Variants in CBLB observed in about 807,000 individuals in gnomAD.
CBLB encodes Cbl proto-oncogene B, also known as E3 ubiquitin-protein ligase CBL-B.
A neutral mutation model predicts 104.9 loss-of-function variants in CBLB; 31 were observed. The ratio of observed to expected loss-of-function variants is 0.30; its 90% CI spans 0.22 to 0.40. The LOEUF is 0.40. CBLB is among the 10% of genes least tolerant of loss of function. The pLI, the probability that CBLB is intolerant of heterozygous loss-of-function variation, is 1.00. For missense variants in CBLB, 1,062 were observed against 1,214.6 expected (o/e 0.87, Z 1.87); for synonymous variants, 440 against 422.6 (o/e 1.04, Z -0.51).
At chr3:105,706,906 T>A (rs768766061) in intron 10 of CBLB, among the ~76,000 whole-genome samples, 5 of 152,198 alleles carry the variant, frequency 3.3e-5, no homozygotes, top group African/African-American at 7.2e-5. Context: ...AGCACTTTTT[T>A]TCTGCAAATA....
At chr3:105,672,400 A>C (rs1218143284) in intron 17 of CBLB, 2 of 177,376 alleles carry the variant, frequency 1.1e-5, no homozygotes, top group Non-Finnish European at 2.4e-5. Context: ...TAAGTTTGCT[A>C]TTTGTCAGCC....
rs138880586 is a variant in CBLB at position 105,656,360 on chromosome 3, G to C, written c.*2610C>G. 3.6e-3 allele frequency: 740 copies of C among 203,566 alleles called. 3 individuals carry two copies. Among genetic ancestry groups the C allele is most frequent in the Admixed American group, 5.5e-3 (92 of 16,688 alleles). 12.6% of individuals were successfully genotyped at this position (203,566 alleles called of 1,614,324 possible). ...TTTGGATCACAGTGAAACAAAGTCT[G>C]GATCACTTCCAGACATCAACGAGCA... On this transcript the variant is annotated 3_prime_UTR_variant, in exon 19 of 19. Coordinates refer to ENST00000394030, the MANE Select transcript of CBLB (RefSeq NM_170662.5).
At chr3:105,854,718 T>A (rs755075067) in intron 2 of CBLB, among the ~76,000 whole-genome samples, 1 of 152,166 alleles carries the variant, frequency 6.6e-6, no homozygotes, top group African/African-American at 2.4e-5. Context: ...CTGCAACCTC[T>A]GCCTCCCGGG....
intron 3 of CBLB, among the ~76,000 whole-genome samples, chr3:105,831,771 A>C (rs978149166): frequency 6.6e-6 from 1 of 152,234 alleles, no homozygotes; most frequent in Non-Finnish European, 1.5e-5. Context: ...AATCAAAAGA[A>C]AAACTTTTCA....
At chr3:105,684,393 C>T (rs915984518) in intron 14 of CBLB, among the ~76,000 whole-genome samples, 2 of 152,180 alleles carry the variant, frequency 1.3e-5, no homozygotes, top group Non-Finnish European at 2.9e-5. Context: ...AATGCAGACT[C>T]ATGCCTTTAC....
intron 3 of CBLB, among the ~76,000 whole-genome samples, chr3:105,777,297 G>A (rs1028031758): frequency 3.5e-4 from 53 of 152,272 alleles, no homozygotes; most frequent in African/African-American, 1.3e-3. Context: ...GAAGCTCTGT[G>A]GGCAATTCTA....
intron 14 of CBLB, among the ~76,000 whole-genome samples, chr3:105,682,788 C>A (rs2066478594): frequency 6.6e-6 from 1 of 152,122 alleles, no homozygotes; most frequent in African/African-American, 2.4e-5. Context: ...CAGGCATGAG[C>A]CACCGAACCC....
chr3:105,791,348 A>T (rs529728206), intron 3 of CBLB, among the ~76,000 whole-genome samples: 1 of 152,332 alleles, frequency 6.6e-6, no homozygotes, highest in East Asian at 1.9e-4. Context: ...TTCTGAAAAG[A>T]TGTGTTTCTC....
intron 3 of CBLB, among the ~76,000 whole-genome samples, chr3:105,814,033 A>G (rs537386350): frequency 1.3e-5 from 2 of 152,182 alleles, no homozygotes; most frequent in African/African-American, 2.4e-5. Context: ...ATGTAGTTCA[A>G]TTAAGCAATT....
chr3:105,695,512 T>C lies in CBLB; in HGVS notation c.1960-1924A>G, dbSNP rs1387083654. ...TACAGGCAATGATGTCTATCACTAG[T>C]AAAGCCACAAAGTACAATTAATGAG... On this transcript the variant is annotated intron_variant, in intron 12 of 18. Coordinates refer to ENST00000394030, the MANE Select transcript of CBLB (RefSeq NM_170662.5). Among the ~76,000 whole-genome samples the C allele has an allele frequency of 4.6e-5, 7 of 151,978 alleles. No individual in the cohort carries two copies. In the South Asian group the frequency reaches 6.2e-4, roughly 14 times the overall value.
chr3:105,725,995 G>A (rs1471200570), intron 9 of CBLB, among the ~76,000 whole-genome samples: 1 of 152,070 alleles, frequency 6.6e-6, no homozygotes, highest in Non-Finnish European at 1.5e-5. Context: ...GGGATTACAG[G>A]CTCCCGCCAC....
chr3:105,705,137 G>C (rs1426490637), intron 10 of CBLB, among the ~76,000 whole-genome samples: 1 of 152,122 alleles, frequency 6.6e-6, no homozygotes, highest in Non-Finnish European at 1.5e-5. Flanking sequence ...CTGAATGCTA[G>C]TATTTATAGT....
intron 4 of CBLB, among the ~76,000 whole-genome samples, chr3:105,769,728 A>C (rs3772513): frequency 1.3e-5 from 2 of 152,122 alleles, no homozygotes; most frequent in African/African-American, 2.4e-5. Context: ...AGTAGAAAAA[A>C]AGAAGCCAGC....
At chr3:105,784,571 C>G (rs1295129079) in intron 3 of CBLB, among the ~76,000 whole-genome samples, 1 of 152,156 alleles carries the variant, frequency 6.6e-6, no homozygotes, top group Admixed American at 6.5e-5. Flanking sequence ...AGTAGTCTAT[C>G]ATAAAACAGT....
chr3:105,712,052 A>C (rs1373076362), intron 10 of CBLB, among the ~76,000 whole-genome samples: 3 of 152,136 alleles, frequency 2.0e-5, no homozygotes, highest in Non-Finnish European at 2.9e-5. Flanking sequence ...GATAACCTTA[A>C]GGGCACTGCT....
intron 3 of CBLB, among the ~76,000 whole-genome samples, chr3:105,811,360 G>A (rs1048023705): frequency 6.6e-6 from 1 of 152,174 alleles, no homozygotes; most frequent in Non-Finnish European, 1.5e-5. Context: ...TGGCTGTTGG[G>A]CAGACAGCAA....
chr3:105,820,060 G>C (rs1007185428), intron 3 of CBLB, among the ~76,000 whole-genome samples: 1 of 152,128 alleles, frequency 6.6e-6, no homozygotes, highest in African/African-American at 2.4e-5. Flanking sequence ...TGGGAACCCT[G>C]AACTTGTTTT....
rs2152840665 is a variant in CBLB, at chr3:105,726,523, C to T, written c.1204-6273G>A. 2.0e-5 allele frequency among the ~76,000 whole-genome samples: 3 copies of T among 150,198 alleles called. No individual in the cohort carries two copies. In the Middle Eastern group the frequency reaches 0.011, roughly 529 times the overall value. ...AACACAGTTTGGGGTTTGTTCCATT[C>T]AGGAGCTCAAAAGCCATTTTCCTTT... On this transcript the variant is annotated intron_variant, in intron 9 of 18. Coordinates refer to ENST00000394030, the MANE Select transcript of CBLB (RefSeq NM_170662.5).
intron 17 of CBLB, chr3:105,670,918 ACAT>A (rs1379200333): frequency 6.1e-6 from 1 of 163,228 alleles, no homozygotes; most frequent in African/African-American, 2.4e-5. Context: ...CCTATGCTTA[ACAT>A]CATTGTTGTT....
Sources: allele counts gnomAD v4.1 joint callset (sites outside exome capture counted in the v4.1 genomes callset), GRCh38; gene constraint gnomAD v4.1.1; transcripts MANE v1.5; gene names NCBI Gene and HGNC (gene_info 2026-07-23, HGNC 2026-07-21).